Variants in HAT1 observed in about 807,000 individuals in gnomAD.
HAT1 encodes the protein histone acetyltransferase 1.
A neutral mutation model predicts 56.6 loss-of-function variants in HAT1; 20 were observed. The observed-to-expected ratio is 0.35, with a 90% CI of 0.25 to 0.51. The LOEUF is 0.51. HAT1 is among the 20% of genes least tolerant of loss of function. The probability of loss-of-function intolerance (pLI) is 0.95; values close to 1 mark genes in which losing one functional copy is unlikely to be tolerated. For synonymous variants in HAT1, 146 were observed against 165.5 expected (o/e 0.88, Z 0.91); for missense variants, 408 against 504.3 (o/e 0.81, Z 1.83).
intron 8 of HAT1, among the ~76,000 whole-genome samples, chr2:171,970,367 G>A (rs1687782298): frequency 6.6e-6 from 1 of 151,612 alleles, no homozygotes; most frequent in Non-Finnish European, 1.5e-5. Flanking sequence ...TCCTGCCACT[G>A]CACCCCACCC....
chr2:171,971,996 A>G (rs1574064893), intron 8 of HAT1, among the ~76,000 whole-genome samples: 4 of 152,292 alleles, frequency 2.6e-5, no homozygotes, highest in South Asian at 2.1e-4. Context: ...TGAGCACCCA[A>G]GCAACACACA....
intron 2 of HAT1, among the ~76,000 whole-genome samples, chr2:171,944,404 A>G (rs879409054): frequency 2.6e-5 from 4 of 152,178 alleles, no homozygotes; most frequent in Admixed American, 6.5e-5. Flanking sequence ...ATTGGAAGGT[A>G]AAAAGCTTGA....
intron 10 of HAT1, among the ~76,000 whole-genome samples, chr2:171,982,200 C>A (rs1688148068): frequency 1.3e-5 from 2 of 152,120 alleles, no homozygotes; most frequent in Non-Finnish European, 2.9e-5. Context: ...GTTCACCAGT[C>A]TAAAAGGCCA....
At chr2:171,931,665 C>A (rs1306411371) in intron 2 of HAT1, among the ~76,000 whole-genome samples, 1 of 152,036 alleles carries the variant, frequency 6.6e-6, no homozygotes, top group Non-Finnish European at 1.5e-5. Flanking sequence ...CAAAGCAAGA[C>A]TGTGTCTCGG....
At chr2:171,955,810 G>T (rs1327330115) in intron 4 of HAT1, among the ~76,000 whole-genome samples, 5 of 151,818 alleles carry the variant, frequency 3.3e-5, no homozygotes, top group Non-Finnish European at 7.4e-5. Flanking sequence ...ACTTTGGGAG[G>T]CCAGGGCAGG....
At chr2:171,979,112 C>T in intron 9 of HAT1, 135 bp from the exon 10 acceptor site, 1 of 612,630 alleles carries the variant, frequency 1.6e-6, no homozygotes, top group Admixed American at 2.7e-5. Context: ...AGGGCAACTA[C>T]TTTTATTGCC....
chr2:171,977,353 T>A (rs992498311), intron 9 of HAT1, among the ~76,000 whole-genome samples: 30 of 145,486 alleles, frequency 2.1e-4, no homozygotes, highest in Admixed American at 4.2e-4. Context: ...TCCCAGCTAC[T>A]CAGGAGGCTG....
chr2:171,950,690 GACGGGGTTTC>G (rs1687286508), intron 3 of HAT1, among the ~76,000 whole-genome samples: 1 of 152,020 alleles, frequency 6.6e-6, no homozygotes, highest in South Asian at 2.1e-4. Context: ...TTTTAGTAGA[GACGGGGTTTC>G]ACCCTGTTGG....
intron 10 of HAT1, 71 bp downstream of exon 10, chr2:171,979,434 T>G (rs1438118097): frequency 3.8e-6 from 3 of 799,534 alleles, no homozygotes; most frequent in African/African-American, 1.7e-5. Context: ...CTACCAAATA[T>G]CAGTATATGA....
intron 2 of HAT1, among the ~76,000 whole-genome samples, chr2:171,936,131 C>T (rs1195303853): frequency 1.3e-5 from 2 of 152,044 alleles, no homozygotes; most frequent in African/African-American, 4.8e-5. Context: ...TTTGAAGTTA[C>T]CAAGATTTAA....
intron 9 of HAT1, among the ~76,000 whole-genome samples, chr2:171,978,290 G>C (rs1352067725): frequency 6.6e-6 from 1 of 151,974 alleles, no homozygotes; most frequent in Non-Finnish European, 1.5e-5. Context: ...CAAGCGATCT[G>C]CCCACCTTGG....
intron 2 of HAT1, among the ~76,000 whole-genome samples, chr2:171,927,335 TTA>T (rs1285717426): frequency 1.1e-4 from 16 of 152,214 alleles, no homozygotes; most frequent in Non-Finnish European, 2.2e-4. Flanking sequence ...GTTACAAAGA[TTA>T]AATATGGAGT....
intron 3 of HAT1, among the ~76,000 whole-genome samples, chr2:171,950,650 C>G (rs896095907): frequency 2.6e-5 from 4 of 151,928 alleles, no homozygotes; most frequent in Non-Finnish European, 5.9e-5. Context: ...ACTATAGACA[C>G]GTGCTATCCC....
In HAT1 at chr2:171,976,288, C is replaced by A; in HGVS notation, c.955C>A (p.Gln319Lys). ...FNEDMVIEAQ[Q>K]KFKINKQHAR... ...TGAAGATATGGTGATAGAGGCACAA[C>A]AGAAGTTCAAAATAAATAAGGTATT... is the stretch of plus-strand genomic sequence containing the variant. Residue 319 changes from glutamine to lysine, a missense_variant, in exon 9 of 11, where the codon CAG (glutamine) becomes AAG (lysine). Gln to Lys is a moderately conservative substitution (Grantham distance 53). Transcript: ENST00000264108. 6.4e-7 allele frequency: 1 copy of A among 1,567,938 alleles called. No individual in the cohort carries two copies. Among genetic ancestry groups the A allele is most frequent in the Non-Finnish European group, 8.7e-7 (1 of 1,155,822 alleles).
In HAT1 at chr2:171,950,460, C is replaced by T. The variant is rs150976283; in HGVS notation, c.189-2421C>T. The stretch of plus-strand genomic sequence containing the variant: ...CCTCCCAAAGTCCTAGAATTACAGG[C>T]GTGAGCCACTGTACCCAGCCATATT... On this transcript the variant is annotated intron_variant, in intron 3 of 10. Coordinates refer to ENST00000264108, the MANE Select transcript of HAT1 (RefSeq NM_003642.4). Among the ~76,000 whole-genome samples the T allele has an allele frequency of 0.036, 5,483 of 151,622 alleles. 742 individuals are homozygous for T. The East Asian group carries it at 0.51, about 14-fold the overall frequency.
chr2:171,972,129 C>G (rs1451181732), intron 8 of HAT1, among the ~76,000 whole-genome samples: 3 of 152,186 alleles, frequency 2.0e-5, no homozygotes, highest in African/African-American at 7.2e-5. Context: ...GACCAGAATC[C>G]TGAACTCTTA....
intron 8 of HAT1, among the ~76,000 whole-genome samples, chr2:171,969,071 T>C (rs1233719658): frequency 6.6e-6 from 1 of 152,222 alleles, no homozygotes; most frequent in African/African-American, 2.4e-5. Context: ...GACAATTCCT[T>C]GTATACCATC....
intron 2 of HAT1, among the ~76,000 whole-genome samples, chr2:171,932,892 G>A (rs1032594989): frequency 7.9e-5 from 12 of 151,956 alleles, no homozygotes; most frequent in Non-Finnish European, 1.6e-4. Context: ...AGTGACTCTA[G>A]AATCTATAAT....
In HAT1 at chr2:171,925,556, A is replaced by G. The variant is rs1686568062; in HGVS notation, c.27A>G (p.Lys9=). The G allele has an allele frequency of 1.3e-6, 2 of 1,544,660 alleles. No homozygotes were observed. Among genetic ancestry groups the G allele is most frequent in the Non-Finnish European group, 1.8e-6 (2 of 1,117,118 alleles). The change falls in exon 2 of 11, where the codon AAA becomes AAG. Residue 9 remains lysine (K), a synonymous_variant. Coordinates refer to ENST00000264108, the MANE Select transcript of HAT1 (RefSeq NM_003642.4). ...TCTTAGGATTTGGTGCTATGGAGAA[A>G]TTTTTGGTAGAATATAAGAGTGCAG... MAGFGAME[K]FLVEYKSAVE...
Sources: allele counts gnomAD v4.1 joint callset (sites outside exome capture counted in the v4.1 genomes callset), GRCh38; gene constraint gnomAD v4.1.1; transcripts MANE v1.5; gene names NCBI Gene and HGNC (gene_info 2026-07-23, HGNC 2026-07-21).